RBFOX1: variants seen among roughly 807,000 people sequenced by gnomAD.
RBFOX1 encodes the protein RNA binding protein fox-1 homolog 1.
A neutral mutation model predicts 57.7 loss-of-function variants in RBFOX1; 8 were observed. That is an observed-to-expected ratio of 0.14 (90% CI 0.08 to 0.25). The LOEUF is 0.25. RBFOX1 is among the 10% of genes least tolerant of loss of function. The pLI, the probability that RBFOX1 is intolerant of heterozygous loss-of-function variation, is 1.00. For synonymous variants in RBFOX1, 326 were observed against 222.4 expected (o/e 1.47, Z -4.15); for missense variants, 611 against 548.5 (o/e 1.11, Z -1.14).
At chr16:6,858,916 C>A (rs565536820) in intron 3 of RBFOX1, among the ~76,000 whole-genome samples, 7 of 151,612 alleles carry the variant, frequency 4.6e-5, no homozygotes, top group African/African-American at 1.5e-4. Context: ...TCAGTAAGTT[C>A]TGCATTTCTA....
At chr16:7,190,671 G>A (rs542036770) in intron 4 of RBFOX1, among the ~76,000 whole-genome samples, 1 of 152,040 alleles carries the variant, frequency 6.6e-6, no homozygotes, top group South Asian at 2.1e-4. Flanking sequence ...CAGAAATTCA[G>A]CTCCCCAGAA....
intron 2 of RBFOX1, among the ~76,000 whole-genome samples, chr16:6,636,994 G>C (rs989819501): frequency 3.3e-5 from 4 of 122,826 alleles, no homozygotes; most frequent in African/African-American, 1.3e-4. Context: ...GTATCATTAT[G>C]TATAAAATAT....
chr16:6,113,483 C>T (rs561862720), intron 1 of RBFOX1, among the ~76,000 whole-genome samples: 2 of 152,312 alleles, frequency 1.3e-5, no homozygotes, highest in South Asian at 4.2e-4. Flanking sequence ...TTTGTGTGGA[C>T]TTGTTGATGG....
At chr16:5,302,418 T>C (rs2063828590) in intron 1 of RBFOX1, among the ~76,000 whole-genome samples, 2 of 152,224 alleles carry the variant, frequency 1.3e-5, no homozygotes, top group South Asian at 4.1e-4. Flanking sequence ...CTGTAGTTTT[T>C]GGGTCTGTCA....
intron 3 of RBFOX1, among the ~76,000 whole-genome samples, chr16:6,933,806 C>G (rs1048961299): frequency 2.0e-5 from 3 of 152,148 alleles, no homozygotes; most frequent in Admixed American, 1.3e-4. Flanking sequence ...TTTTCTATAT[C>G]CAAAATTTTC....
intron 4 of RBFOX1, among the ~76,000 whole-genome samples, chr16:7,122,576 C>T (rs569010904): frequency 6.6e-6 from 1 of 152,114 alleles, no homozygotes; most frequent in Non-Finnish European, 1.5e-5. Flanking sequence ...AGACTTAGTG[C>T]TGTGGAGGAT....
chr16:6,413,519 A>G lies in RBFOX1; in HGVS notation c.-64+96462A>G, dbSNP rs192495433. Among the ~76,000 whole-genome samples the G allele has an allele frequency of 1.8e-4, 28 of 152,286 alleles. No individual in the cohort carries two copies. The East Asian group carries it at 4.6e-3, about 25-fold the overall frequency. On this transcript the variant is annotated intron_variant, in intron 2 of 15. Coordinates refer to ENST00000550418, the MANE Select transcript of RBFOX1 (RefSeq NM_018723.4). ...ACAGTGAAATTTTTAGTCGGCTATC[A>G]TTGCAAATGACTGTTTGCCATATGA...
chr16:5,911,075 A>T (rs1181752890), intron 4 of RBFOX1, among the ~76,000 whole-genome samples: 2 of 152,194 alleles, frequency 1.3e-5, no homozygotes, highest in Non-Finnish European at 2.9e-5. Context: ...TTGACTTAGC[A>T]TCTGCTTCTA....
intron 4 of RBFOX1, among the ~76,000 whole-genome samples, chr16:7,348,260 A>G (rs1255255245): frequency 1.3e-5 from 2 of 152,234 alleles, no homozygotes; most frequent in African/African-American, 4.8e-5. Context: ...CTCTTTATGT[A>G]TCCTGGATTT....
At chr16:6,461,918 C>A (rs1006804765) in intron 2 of RBFOX1, among the ~76,000 whole-genome samples, 2 of 152,056 alleles carry the variant, frequency 1.3e-5, no homozygotes, top group African/African-American at 4.8e-5. Flanking sequence ...CCTGTATTAG[C>A]TTTTGGTGGG....
At chr16:6,789,308 G>C (rs1374070180) in intron 3 of RBFOX1, among the ~76,000 whole-genome samples, 1 of 152,110 alleles carries the variant, frequency 6.6e-6, no homozygotes, top group African/African-American at 2.4e-5. Flanking sequence ...TATAGCCAGT[G>C]GTATAAGACC....
chr16:6,943,333 G>C (rs920971629), intron 3 of RBFOX1, among the ~76,000 whole-genome samples: 1 of 152,162 alleles, frequency 6.6e-6, no homozygotes, highest in East Asian at 1.9e-4. Flanking sequence ...GAAAAGGACT[G>C]CATACTTCTA....
chr16:6,204,357 A>G (rs1230276884), intron 1 of RBFOX1, among the ~76,000 whole-genome samples: 2 of 152,188 alleles, frequency 1.3e-5, no homozygotes, highest in Admixed American at 6.5e-5. Context: ...ATCCAGATGT[A>G]TTACTGAAAA....
intron 3 of RBFOX1, chr16:6,723,643 A>G (rs896585764): frequency 2.6e-5 from 4 of 152,106 alleles, no homozygotes; most frequent in East Asian, 1.9e-4. Flanking sequence ...TAATTTTACG[A>G]TTTGCATATA....
intron 11 of RBFOX1, among the ~76,000 whole-genome samples, chr16:7,642,610 G>C (rs2063026716): frequency 1.3e-5 from 2 of 152,134 alleles, no homozygotes; most frequent in Admixed American, 6.5e-5. Context: ...CCAGCTGTTA[G>C]ATAGAACATG....
intron 1 of RBFOX1, among the ~76,000 whole-genome samples, chr16:6,137,852 C>G (rs1020233891): frequency 6.6e-5 from 10 of 152,246 alleles, no homozygotes; most frequent in African/African-American, 2.2e-4. Context: ...TCCAGTAATC[C>G]TCCTGCCTCA....
At chr16:7,219,980 C>T (rs1257466372) in intron 4 of RBFOX1, among the ~76,000 whole-genome samples, 4 of 152,112 alleles carry the variant, frequency 2.6e-5, no homozygotes, top group Admixed American at 6.5e-5. Context: ...AATCTGAGTT[C>T]AGTTGGTTTT....
chr16:6,348,178 CT>C (rs2152839484), intron 2 of RBFOX1, among the ~76,000 whole-genome samples: 1 of 152,248 alleles, frequency 6.6e-6, no homozygotes, highest in South Asian at 2.1e-4. Flanking sequence ...AGGAGATAGG[CT>C]TGTGATAAAA....
chr16:6,344,407 C>CTTTTCTTTTTTTTTTTTTT (rs767256133), intron 2 of RBFOX1, among the ~76,000 whole-genome samples: 1 of 109,846 alleles, frequency 9.1e-6, no homozygotes, highest in African/African-American at 4.4e-5. Flanking sequence ...TCTTTTTTTT[C>CTTTTCTTTTTTTTTTTTTT]TTTTTTTTTT....
Sources: gnomAD v4.1 joint callset for allele counts (sites outside exome capture counted in the v4.1 genomes callset) on GRCh38, gnomAD v4.1.1 for gene constraint, MANE v1.5 for transcripts, NCBI Gene and HGNC (gene_info 2026-07-23, HGNC 2026-07-21) for gene names.